Variants in SECTM1 observed in about 807,000 individuals in gnomAD.
SECTM1 encodes secreted and transmembrane 1, also known as secreted and transmembrane protein 1.
SECTM1 carries 10 observed loss-of-function variants against 18.1 expected under a neutral mutation model. The observed-to-expected ratio is 0.55, with a 90% CI of 0.34 to 0.94. SECTM1 has a LOEUF of 0.94. Among genes scored for constraint, SECTM1 ranks in the 40% least tolerant of loss-of-function variants. The probability of loss-of-function intolerance (pLI) is 0.02; values close to 1 mark genes in which losing one functional copy is unlikely to be tolerated. For missense variants in SECTM1, 297 were observed against 322.6 expected (o/e 0.92, Z 0.61); for synonymous variants, 137 against 139.2 (o/e 0.98, Z 0.11).
chr17:82,333,114 AGGCTGT>A (rs1419340716), intron 1 of SECTM1, among the ~76,000 whole-genome samples: 4 of 152,312 alleles, frequency 2.6e-5, no homozygotes, highest in East Asian at 1.9e-4. Flanking sequence ...AGTGCACACG[AGGCTGT>A]GGCTGTGGAG....
intron 4 of SECTM1, 93 bp downstream of exon 4, chr17:82,322,785 C>T: frequency 6.8e-7 from 1 of 1,460,178 alleles, no homozygotes; most frequent in Non-Finnish European, 9.3e-7. Flanking sequence ...CCTGGAGCCC[C>T]AGCAGGTGCA....
intron 1 of SECTM1, among the ~76,000 whole-genome samples, chr17:82,332,021 A>C (rs981731607): frequency 6.6e-6 from 1 of 152,230 alleles, no homozygotes; most frequent in African/African-American, 2.4e-5. Flanking sequence ...GCACGCCTGT[A>C]ATCCCAGTTA....
intron 1 of SECTM1, among the ~76,000 whole-genome samples, chr17:82,332,438 C>T (rs187513685): frequency 1.6e-4 from 25 of 152,336 alleles, no homozygotes; most frequent in Non-Finnish European, 4.4e-5. Flanking sequence ...GAAGCTCCGG[C>T]CCCCTCGGGC....
Position 82,321,938 on chromosome 17 carries a change from A to G in SECTM1, c.*223T>C, listed in dbSNP as rs2147265247. On this transcript the variant is annotated 3_prime_UTR_variant, in exon 5 of 5. Transcript: ENST00000269389. Reference sequence around the variant, plus strand: ...CGTCCTGGTAAGTCGGGTGCTGCGGAGGTGAGGTGGTTCCATTTTGGAAAC... The same window carrying G: ...CGTCCTGGTAAGTCGGGTGCTGCGGGGGTGAGGTGGTTCCATTTTGGAAAC... 3.6e-6 allele frequency: 2 copies of G among 562,956 alleles called. No homozygotes were observed. Among genetic ancestry groups the G allele is most frequent in the Non-Finnish European group, 6.3e-6 (2 of 315,814 alleles). The allele number at this position is 562,956 out of a possible 1,614,324, so 34.9% of individuals were successfully genotyped here. A position where few individuals can be genotyped will look rare whatever the true frequency, so the allele number is the denominator to read the frequency against.
chr17:82,324,841 G>A lies in SECTM1; in HGVS notation c.144C>T (p.Gly48=), dbSNP rs1290392021. Residue 48 remains glycine (G), a synonymous_variant, in exon 3 of 5, where the codon GGC becomes GGT. Transcript: ENST00000269389. ...TGTTGCAGGACATGACGGTGTTCTC[G>A]CCCCAAGACACAGAGACTACCCCCT... The part of the protein sequence containing the change: ...CTEGVVSVSW[G]ENTVMSCNIS... 5.0e-6 allele frequency: 8 copies of A among 1,613,738 alleles called. No individual in the cohort carries two copies. The African/African-American group carries it at 8.0e-5, about 16-fold the overall frequency.
rs2052142684 is a variant in SECTM1, at chr17:82,326,012, G to A, written c.95-1122C>T. 6.6e-6 allele frequency among the ~76,000 whole-genome samples: 1 copy of A among 152,214 alleles called. No homozygotes were observed. Among genetic ancestry groups the A allele is most frequent in the Admixed American group, 6.5e-5 (1 of 15,292 alleles). On this transcript the variant is annotated intron_variant, in intron 2 of 4. Coordinates refer to ENST00000269389, the MANE Select transcript of SECTM1 (RefSeq NM_003004.3). The surrounding 1 kb of genome is among the most constrained non-coding windows in gnomAD (Gnocchi z 4.3). Reference sequence around the variant, plus strand: ...CGGGCTGGACTGAGTTTCCTCTGACGAGCAGGCTGGCTGCCTGCCTGGACG... The same window carrying A: ...CGGGCTGGACTGAGTTTCCTCTGACAAGCAGGCTGGCTGCCTGCCTGGACG...
chr17:82,328,053 G>C lies in SECTM1; in HGVS notation c.-52-761C>G, dbSNP rs1378615412. On this transcript the variant is annotated intron_variant, in intron 1 of 4. Coordinates refer to ENST00000269389, the MANE Select transcript of SECTM1 (RefSeq NM_003004.3). This position sits in a 1 kb window ranked among gnomAD's most constrained non-coding sequence, Gnocchi z 5.8. The stretch of plus-strand genomic sequence containing the variant: ...TGCCCGTCCACCAGCCCCCCTCCCG[G>C]GGCAGCACTCAGTTGCGTTCCTTTC... 1 of 150,572 alleles carries C rather than the reference G, an allele frequency of 6.6e-6. No homozygotes were observed. The highest frequency in any genetic ancestry group is 1.5e-5 in the Non-Finnish European group (1 of 67,732). The allele number at this position is 150,572 out of a possible 1,614,324, so 9.3% of individuals were successfully genotyped here.
At chr17:82,331,831 G>A (rs981979190) in intron 1 of SECTM1, among the ~76,000 whole-genome samples, 21 of 152,336 alleles carry the variant, frequency 1.4e-4, no homozygotes, top group African/African-American at 4.3e-4. Context: ...GAGACGAGGC[G>A]CACGGAGCCT....
intron 3 of SECTM1, 50 bp downstream of exon 3, chr17:82,324,532 C>CCTT: frequency 9.3e-6 from 10 of 1,079,974 alleles, no homozygotes; most frequent in South Asian, 8.4e-5. Flanking sequence ...CTCCCCTCCC[C>CCTT]GTGTCCCCTC....
chr17:82,322,835 A>T, intron 4 of SECTM1, 43 bp downstream of exon 4: 1 of 1,607,930 alleles, frequency 6.2e-7, no homozygotes, highest in Non-Finnish European at 8.5e-7. Flanking sequence ...AGCCCCACCC[A>T]AGACTCCCCA....
chr17:82,325,028 C>T lies in SECTM1; in HGVS notation c.95-138G>A. On this transcript the variant is annotated intron_variant, in intron 2 of 4. Transcript: ENST00000269389. This position sits in a 1 kb window ranked among gnomAD's most constrained non-coding sequence, Gnocchi z 7.6. ...GTGAACTATGTATACATCCACCCGA[C>T]CCAATCAGCACATATATCTCGTGTG... 8.2e-6 allele frequency: 6 copies of T among 729,430 alleles called. No homozygotes were observed. In the South Asian group the frequency reaches 9.4e-5, roughly 11 times the overall value. The allele number at this position is 729,430 out of a possible 1,614,324, so 45.2% of individuals were successfully genotyped here.
chr17:82,332,015 G>A (rs1465981527), intron 1 of SECTM1, among the ~76,000 whole-genome samples: 1 of 152,182 alleles, frequency 6.6e-6, no homozygotes, highest in Non-Finnish European at 1.5e-5. Context: ...GGTGGTGCAC[G>A]CCTGTAATCC....
intron 1 of SECTM1, among the ~76,000 whole-genome samples, chr17:82,331,157 C>G (rs1242106257): frequency 2.6e-5 from 4 of 152,108 alleles, no homozygotes; most frequent in Admixed American, 2.0e-4. Context: ...TCGGTCCACA[C>G]CCGGCAAGTG....
Position 82,322,378 on chromosome 17 carries a change from G to A in SECTM1, c.538-8C>T. On this transcript the variant is annotated splice_polypyrimidine_tract_variant and splice_region_variant and intron_variant, in intron 4 of 4. Transcript: ENST00000269389. Reference sequence around the variant, plus strand: ...TAGGAGGAAGAACTTCTTCTGCAGGGGGAGGAAGGAGGTGCCTGTGTGAGC... The same window carrying A: ...TAGGAGGAAGAACTTCTTCTGCAGGAGGAGGAAGGAGGTGCCTGTGTGAGC... 1.2e-6 allele frequency: 2 copies of A among 1,613,260 alleles called. No individual in the cohort carries two copies. The highest frequency in any genetic ancestry group is 1.7e-6 in the Non-Finnish European group (2 of 1,179,606).
rs2052090235 is a variant in SECTM1, at chr17:82,321,675, C to CG, written c.*485dup. Reference sequence around the variant, plus strand: ...AAGCCCCCGACCCTACCTCGGCCCCCGGGGCTGCCGCGGAAGGGCCCCCAA... The same window carrying CG: ...AAGCCCCCGACCCTACCTCGGCCCCCGGGGGCTGCCGCGGAAGGGCCCCCAA... On this transcript the variant is annotated 3_prime_UTR_variant, in exon 5 of 5. Transcript: ENST00000269389. 1 of 155,312 alleles carries CG rather than the reference C, an allele frequency of 6.4e-6. No homozygotes were observed. Among genetic ancestry groups the CG allele is most frequent in the Non-Finnish European group, 1.4e-5 (1 of 69,702 alleles). 9.6% of individuals were successfully genotyped at this position (155,312 alleles called of 1,614,324 possible).
At chr17:82,324,969 G>GCCAGGC in intron 2 of SECTM1, 79 bp from the exon 3 acceptor site, 10 of 1,416,364 alleles carry the variant, frequency 7.1e-6, no homozygotes, top group Middle Eastern at 3.8e-4. Flanking sequence ...CAGGGCCAGG[G>GCCAGGC]CCAGGGCAGG....
rs751991464 is a variant in SECTM1, at chr17:82,322,898, A to G, written c.517T>C (p.Cys173Arg). The G allele has an allele frequency of 1.9e-6, 3 of 1,613,678 alleles. No homozygotes were observed. In the East Asian group the frequency reaches 6.7e-5, roughly 36 times the overall value. ...CCTACCTCCCGGCGTTGCTGGGAAC[A>G]GCGGCACCTGTACCAGGCGAACATG... ...LVMFAWYRCR[C>R]SQQRREKKFF... The change falls in exon 4 of 5, where the codon TGT becomes CGT. Residue 173 changes from cysteine (C) to arginine (R), a missense_variant. Physicochemically the swap from Cys to Arg is radical, Grantham distance 180. Transcript: ENST00000269389.
Position 82,322,881 on chromosome 17 carries a change from C to G in SECTM1, c.534G>C (p.Arg178=), listed in dbSNP as rs773154101. 2 of 1,613,530 alleles carry G rather than the reference C, an allele frequency of 1.2e-6. No homozygotes were observed. The highest frequency in any genetic ancestry group is 2.7e-5 in the African/African-American group (2 of 74,912). Residue 178 remains arginine (R), a synonymous_variant, in exon 4 of 5, where the codon CGG becomes CGC. Transcript: ENST00000269389. ...ACTGGGGTGCAGGGCCTCCTACCTC[C>G]CGGCGTTGCTGGGAACAGCGGCACC... ...WYRCRCSQQR[R]EKKFFLLEPQ...
At chr17:82,322,447 ACACT>A in intron 4 of SECTM1, 77 bp from the exon 5 acceptor site, 1 of 1,390,128 alleles carries the variant, frequency 7.2e-7, no homozygotes, top group Non-Finnish European at 1.0e-6. Flanking sequence ...GCGTGCGTTC[ACACT>A]CACGGGCATA....
Sources: allele counts gnomAD v4.1 joint callset (sites outside exome capture counted in the v4.1 genomes callset), GRCh38; gene constraint gnomAD v4.1.1; non-coding constraint Gnocchi (gnomAD v3.1); transcripts MANE v1.5; gene names NCBI Gene and HGNC (gene_info 2026-07-23, HGNC 2026-07-21).